The following KIAA0232 variants were observed in gnomAD, a reference collection of about 807,000 sequenced individuals.
KIAA0232 encodes KIAA0232.
KIAA0232 carries 27 observed loss-of-function variants against 122.0 expected under a neutral mutation model. The observed-to-expected ratio is 0.22, with a 90% CI of 0.16 to 0.31. KIAA0232 has a LOEUF of 0.31. KIAA0232 is among the 10% of genes least tolerant of loss of function. KIAA0232 has a pLI of 1.00. For synonymous variants in KIAA0232, 613 were observed against 587.6 expected, an observed-to-expected ratio of 1.04 and a Z score of -0.63; for missense variants, 1,551 against 1,634.2, an observed-to-expected ratio of 0.95 and a Z score of 0.88.
Position 6,861,100 on chromosome 4 carries a change from C to G in KIAA0232, c.718C>G (p.Pro240Ala). 2 of 1,614,128 alleles carry G rather than the reference C, an allele frequency of 1.2e-6. No individual in the cohort carries two copies. The highest frequency in any genetic ancestry group is 2.2e-5 in the South Asian group (2 of 91,082). Residue 240 changes from proline to alanine, a missense_variant, in exon 7 of 10, where the codon CCC (proline) becomes GCC (alanine). Coordinates refer to ENST00000307659, the MANE Select transcript of KIAA0232 (RefSeq NM_014743.3). ...EVTKERSSEV[P>A]TTVHEKTQSK... ...CACCAAGGAAAGAAGCAGTGAAGTACCCACCACTGTGCATGAGAAAACCCA... is the reference window on the plus strand; with the variant it reads ...CACCAAGGAAAGAAGCAGTGAAGTAGCCACCACTGTGCATGAGAAAACCCA...
Position 6,881,322 on chromosome 4 carries a change from G to T in KIAA0232, c.*356G>T, listed in dbSNP as rs973078862. On this transcript the variant is annotated 3_prime_UTR_variant, in exon 10 of 10. Coordinates refer to ENST00000307659, the MANE Select transcript of KIAA0232 (RefSeq NM_014743.3). ...ATATCACTATGACCTTACTAGCATT[G>T]CAGTGTCAACAACCACTTCTGCTCT... 6.2e-6 allele frequency: 1 copy of T among 160,240 alleles called. No individual in the cohort carries two copies. Among genetic ancestry groups the T allele is most frequent in the Admixed American group, 6.5e-5 (1 of 15,460 alleles). 9.9% of individuals were successfully genotyped at this position (160,240 alleles called of 1,614,324 possible).
intron 2 of KIAA0232, among the ~76,000 whole-genome samples, chr4:6,816,289 T>G (rs1718121994): frequency 4.5e-5 from 3 of 66,844 alleles, no homozygotes; most frequent in African/African-American, 1.1e-4. Context: ...CTTTTTTTTG[T>G]TTTTTTTTTT....
intron 3 of KIAA0232, among the ~76,000 whole-genome samples, chr4:6,840,372 C>A (rs1719580567): frequency 1.3e-5 from 2 of 152,162 alleles, no homozygotes; most frequent in East Asian, 3.9e-4. Context: ...AGTGTTAATC[C>A]CATGCAGACA....
At chr4:6,871,332 G>C (rs898873310) in intron 7 of KIAA0232, among the ~76,000 whole-genome samples, 5 of 152,150 alleles carry the variant, frequency 3.3e-5, no homozygotes, top group African/African-American at 4.8e-5. Flanking sequence ...TACTTGCAAG[G>C]CTGAGGTGGA....
intron 2 of KIAA0232, among the ~76,000 whole-genome samples, chr4:6,806,884 A>G (rs1218147337): frequency 6.6e-6 from 1 of 150,884 alleles, no homozygotes; most frequent in East Asian, 1.9e-4. Context: ...TTTCCCTTTT[A>G]TTTAGTCTCA....
chr4:6,861,697 G>A lies in KIAA0232; in HGVS notation c.1315G>A (p.Glu439Lys), dbSNP rs1371524755. 2 of 1,614,132 alleles carry A rather than the reference G, an allele frequency of 1.2e-6. No homozygotes were observed. The highest frequency in any genetic ancestry group is 1.7e-6 in the Non-Finnish European group (2 of 1,180,028). ...AAGTGATCTGACATCAGAGGCAGTGGAAGAATTGTCTGAATCAGTGCATGG... is the reference window on the plus strand; with the variant it reads ...AAGTGATCTGACATCAGAGGCAGTGAAAGAATTGTCTGAATCAGTGCATGG... ...DTSDLTSEAV[E>K]ELSESVHGLC... Residue 439 changes from glutamate (E) to lysine (K), a missense_variant, in exon 7 of 10, where the codon GAA becomes AAA. Transcript: ENST00000307659.
At chr4:6,840,023 A>G (rs35248705) in intron 3 of KIAA0232, among the ~76,000 whole-genome samples, 42,376 of 152,104 alleles carry the variant, frequency 0.28, 7,618 homozygotes, top group Non-Finnish European at 0.4. Flanking sequence ...AAGCAACCCA[A>G]AGTTTGGCCT....
intron 2 of KIAA0232, among the ~76,000 whole-genome samples, chr4:6,808,811 A>C (rs181869173): frequency 6.6e-6 from 1 of 152,202 alleles, no homozygotes; most frequent in Admixed American, 6.5e-5. Context: ...ATTCTCCTCC[A>C]TTTAGATTTG....
chr4:6,862,347 C>T lies in KIAA0232; in HGVS notation c.1965C>T (p.Cys655=). 1.2e-6 allele frequency: 2 copies of T among 1,614,078 alleles called. No homozygotes were observed. Among genetic ancestry groups the T allele is most frequent in the Non-Finnish European group, 1.7e-6 (2 of 1,180,012 alleles). The part of the protein sequence containing the change: ...NSCFSVFEVQ[C]SNSVLPFSFE... ...GTTTTTCAGTGTTTGAAGTGCAATGCAGTAATTCTGTTTTACCATTTTCTT... is the reference window on the plus strand; with the variant it reads ...GTTTTTCAGTGTTTGAAGTGCAATGTAGTAATTCTGTTTTACCATTTTCTT... Residue 655 remains cysteine, a synonymous_variant, in exon 7 of 10, where the codon TGC becomes TGT. Transcript: ENST00000307659.
chr4:6,853,948 A>G (rs1054472635), intron 4 of KIAA0232, among the ~76,000 whole-genome samples: 1 of 152,122 alleles, frequency 6.6e-6, no homozygotes, highest in African/African-American at 2.4e-5. Context: ...ACCCCACCCC[A>G]CAGCCAGGAG....
intron 3 of KIAA0232, among the ~76,000 whole-genome samples, chr4:6,836,252 C>A (rs554060810): frequency 6.6e-6 from 1 of 151,478 alleles, no homozygotes; most frequent in East Asian, 1.9e-4. Flanking sequence ...TGTCTGTTGG[C>A]TGCATAAATG....
chr4:6,860,624 A>G (rs1720802625), intron 6 of KIAA0232, among the ~76,000 whole-genome samples: 1 of 152,212 alleles, frequency 6.6e-6, no homozygotes, highest in South Asian at 2.1e-4. Flanking sequence ...CTTAATTAAA[A>G]TGCAAACTTT....
At chr4:6,875,071 G>T (rs987656470) in intron 8 of KIAA0232, among the ~76,000 whole-genome samples, 1 of 152,234 alleles carries the variant, frequency 6.6e-6, no homozygotes, top group African/African-American at 2.4e-5. Flanking sequence ...GGAGTGAGAA[G>T]TCAGCCAAGG....
rs1716399318 is a variant in KIAA0232, at chr4:6,782,778, AG to A, written c.-416del. 6.7e-6 allele frequency: 1 copy of A among 148,568 alleles called. No individual in the cohort carries two copies. Among genetic ancestry groups the A allele is most frequent in the African/African-American group, 2.4e-5 (1 of 40,884 alleles). The allele number at this position is 148,568 out of a possible 1,614,324, so 9.2% of individuals were successfully genotyped here. On this transcript the variant is annotated 5_prime_UTR_variant, in exon 1 of 10. Transcript: ENST00000307659. ...CGCCCGGCGCTCGGCAGCCGCCCGC[AG>A]CCCCTCGGAGCCAGAGGAGAGGCGC... is the stretch of plus-strand genomic sequence containing the variant.
intron 4 of KIAA0232, among the ~76,000 whole-genome samples, chr4:6,842,778 G>A (rs1319111896): frequency 7.9e-5 from 12 of 151,840 alleles, no homozygotes; most frequent in Non-Finnish European, 2.9e-5. Context: ...TAGTAGAGAT[G>A]GGGTTTCACC....
chr4:6,837,911 G>C (rs1719416088), intron 3 of KIAA0232, among the ~76,000 whole-genome samples: 1 of 114,318 alleles, frequency 8.7e-6, no homozygotes, highest in African/African-American at 2.7e-5. Flanking sequence ...GTGCAAAGGG[G>C]AGAGGGGGAG....
At chr4:6,870,202 A>G (rs1444532562) in intron 7 of KIAA0232, among the ~76,000 whole-genome samples, 1 of 152,142 alleles carries the variant, frequency 6.6e-6, no homozygotes, top group Non-Finnish European at 1.5e-5. Flanking sequence ...TGGCCACACT[A>G]TCCAGTTCTC....
At chr4:6,817,941 A>AT (rs1718214068) in intron 2 of KIAA0232, among the ~76,000 whole-genome samples, 1 of 151,994 alleles carries the variant, frequency 6.6e-6, no homozygotes, top group Admixed American at 6.6e-5. Flanking sequence ...CTCTGTTAGT[A>AT]TTTTTTGCGC....
chr4:6,833,781 A>C (rs1719120160), intron 3 of KIAA0232, among the ~76,000 whole-genome samples: 1 of 152,208 alleles, frequency 6.6e-6, no homozygotes, highest in African/African-American at 2.4e-5. Context: ...TCACTGGATA[A>C]TTCATGAAGA....
Sources: gnomAD v4.1 joint callset for allele counts (sites outside exome capture counted in the v4.1 genomes callset) on GRCh38, gnomAD v4.1.1 for gene constraint, MANE v1.5 for transcripts, NCBI Gene and HGNC (gene_info 2026-07-23, HGNC 2026-07-21) for gene names.